The following RAD54L2 variants were observed in gnomAD, a reference collection of about 807,000 sequenced individuals.
The protein encoded by RAD54L2 is RAD54 like 2, also known as helicase ARIP4.
In RAD54L2, 27 loss-of-function variants were observed where a neutral mutation model predicts 138.4. That is an observed-to-expected ratio of 0.20 (90% confidence interval 0.14 to 0.27). The LOEUF is 0.27. RAD54L2 is among the 10% of genes least tolerant of loss of function. The probability of loss-of-function intolerance (pLI) is 1.00; values close to 1 mark genes in which losing one functional copy is unlikely to be tolerated. For synonymous variants in RAD54L2, 644 were observed against 723.2 expected (o/e 0.89, Z 1.76); for missense variants, 1,396 against 1,890.2 (o/e 0.74, Z 4.85).
At chr3:51,542,851 G>A (rs1698588113) in intron 2 of RAD54L2, among the ~76,000 whole-genome samples, 1 of 152,168 alleles carries the variant, frequency 6.6e-6, no homozygotes, top group South Asian at 2.1e-4. Context: ...TTTCCTGACA[G>A]TTTGTATGGG....
intron 3 of RAD54L2, among the ~76,000 whole-genome samples, chr3:51,622,470 G>A (rs1021099772): frequency 1.3e-5 from 2 of 152,166 alleles, no homozygotes; most frequent in Middle Eastern, 3.4e-3. Flanking sequence ...AGCATTTCTT[G>A]TCTGATGCCT....
intron 19 of RAD54L2, among the ~76,000 whole-genome samples, chr3:51,647,873 G>A (rs771769274): frequency 6.6e-6 from 1 of 152,096 alleles, no homozygotes; most frequent in Non-Finnish European, 1.5e-5. Flanking sequence ...AGCTCCCACT[G>A]TGATCGACAC....
Position 51,637,082 on chromosome 3 carries a change from G to A in RAD54L2, c.1340-79G>A, listed in dbSNP as rs1233891751. ...CCTTCATTTCTTCTGTCTCCTCCAG[G>A]GTGCACCCCTACTTCTCATATTATT... On this transcript the variant is annotated intron_variant, in intron 10 of 22. Coordinates refer to ENST00000684192, the MANE Select transcript of RAD54L2 (RefSeq NM_015106.4). This position sits in a 1 kb window ranked among gnomAD's most constrained non-coding sequence, Gnocchi z 5.9. 1.6e-6 allele frequency: 2 copies of A among 1,243,448 alleles called. No individual in the cohort carries two copies. The highest frequency in any genetic ancestry group is 2.3e-6 in the Non-Finnish European group (2 of 876,322). The allele number at this position is 1,243,448 out of a possible 1,614,324, so 77.0% of individuals were successfully genotyped here.
Position 51,586,164 on chromosome 3 carries a change from T to G in RAD54L2, c.-54-4203T>G, listed in dbSNP as rs369773514. Reference sequence around the variant, plus strand: ...CCCCTTAGAGAAGAATACAGTTGACTGCTGCTGCCCACCAAGACCAGCCTT... The same window carrying G: ...CCCCTTAGAGAAGAATACAGTTGACGGCTGCTGCCCACCAAGACCAGCCTT... On this transcript the variant is annotated intron_variant, in intron 2 of 22. Transcript: ENST00000684192. Among the ~76,000 whole-genome samples the G allele has an allele frequency of 2.6e-5, 4 of 152,172 alleles. No homozygotes were observed. In the South Asian group the frequency reaches 8.3e-4, roughly 32 times the overall value.
chr3:51,578,633 A>G (rs564284133), intron 2 of RAD54L2, among the ~76,000 whole-genome samples: 3 of 152,218 alleles, frequency 2.0e-5, no homozygotes, highest in African/African-American at 7.2e-5. Flanking sequence ...TACTCTACTC[A>G]TCGTGGGAGG....
rs368260597 is a variant in RAD54L2, at chr3:51,635,668, G to A, written c.1218G>A (p.Met406Ile). The change falls in exon 10 of 23, where the codon ATG becomes ATA. Residue 406 changes from methionine (M) to isoleucine (I), a missense_variant. Coordinates refer to ENST00000684192, the MANE Select transcript of RAD54L2 (RefSeq NM_015106.4). The part of the protein sequence containing the change: ...EGGVLLMGYE[M>I]YRLLTLKKSF... ...GCGTGCTGCTGATGGGGTACGAGAT[G>A]TACAGACTCCTCACTCTGAAGAAAT... 3.1e-6 allele frequency: 5 copies of A among 1,613,806 alleles called. No individual in the cohort carries two copies. Among genetic ancestry groups the A allele is most frequent in the Non-Finnish European group, 3.4e-6 (4 of 1,179,878 alleles).
At chr3:51,548,269 A>G (rs1428911228) in intron 2 of RAD54L2, among the ~76,000 whole-genome samples, 3 of 151,702 alleles carry the variant, frequency 2.0e-5, no homozygotes, top group Non-Finnish European at 4.4e-5. Flanking sequence ...GCTCACTGCA[A>G]CCTCTGCCTC....
intron 18 of RAD54L2, 140 bp from the exon 19 acceptor site, chr3:51,646,145 G>A: frequency 1.4e-6 from 1 of 737,788 alleles, no homozygotes; most frequent in Non-Finnish European, 2.2e-6. Context: ...TTGACAGAAA[G>A]ACAGTAAACC....
At chr3:51,650,137 T>C (rs769624372) in intron 19 of RAD54L2, among the ~76,000 whole-genome samples, 12 of 152,176 alleles carry the variant, frequency 7.9e-5, no homozygotes, top group Non-Finnish European at 1.6e-4. Context: ...GTTGCAATCC[T>C]AGTCGCTATT....
chr3:51,605,982 C>T (rs181427634), intron 3 of RAD54L2, among the ~76,000 whole-genome samples: 2 of 152,120 alleles, frequency 1.3e-5, no homozygotes, highest in East Asian at 1.9e-4. Context: ...TTAAGTCATT[C>T]GTAACTGTTG....
At chr3:51,583,853 T>G (rs1699659580) in intron 2 of RAD54L2, among the ~76,000 whole-genome samples, 1 of 151,956 alleles carries the variant, frequency 6.6e-6, no homozygotes, top group African/African-American at 2.4e-5. Flanking sequence ...GGCTTTTTTT[T>G]TTTTTTTAAA....
At chr3:51,585,585 A>G (rs1468245276) in intron 2 of RAD54L2, among the ~76,000 whole-genome samples, 3 of 152,122 alleles carry the variant, frequency 2.0e-5, no homozygotes, top group African/African-American at 4.8e-5. Context: ...GTACCACTCT[A>G]TTGACAGGTG....
intron 22 of RAD54L2, among the ~76,000 whole-genome samples, chr3:51,661,399 G>A (rs1181663612): frequency 6.6e-6 from 1 of 152,254 alleles, no homozygotes; most frequent in African/African-American, 2.4e-5. Context: ...AGGATGAGCT[G>A]TAACACAATG....
At chr3:51,631,552 CA>C (rs1700843787) in intron 7 of RAD54L2, among the ~76,000 whole-genome samples, 1 of 150,584 alleles carries the variant, frequency 6.6e-6, no homozygotes, top group Non-Finnish European at 1.5e-5. Flanking sequence ...CCACGTTGCC[CA>C]AGCTGATCTT....
chr3:51,563,120 A>G (rs1699136193), intron 2 of RAD54L2, among the ~76,000 whole-genome samples: 1 of 152,048 alleles, frequency 6.6e-6, no homozygotes, highest in Non-Finnish European at 1.5e-5. Context: ...TAGTTTTTTA[A>G]TAAGTCTTTG....
intron 3 of RAD54L2, among the ~76,000 whole-genome samples, chr3:51,626,434 A>ATATTTTTTT (rs1302087610): frequency 8.1e-5 from 1 of 12,292 alleles, no homozygotes; most frequent in African/African-American, 3.3e-4. Flanking sequence ...ACCCCCAACG[A>ATATTTTTTT]TCTTTTTTTT....
intron 3 of RAD54L2, among the ~76,000 whole-genome samples, chr3:51,626,506 G>A (rs890597846): frequency 1.4e-5 from 2 of 139,292 alleles, no homozygotes; most frequent in Non-Finnish European, 3.0e-5. Context: ...GTGCAATGGT[G>A]TGATCTTGGC....
intron 2 of RAD54L2, among the ~76,000 whole-genome samples, chr3:51,542,110 T>C (rs1189833881): frequency 6.6e-6 from 1 of 152,222 alleles, no homozygotes; most frequent in African/African-American, 2.4e-5. Flanking sequence ...CTTCCCACTT[T>C]TTCTTGCTCA....
intron 2 of RAD54L2, among the ~76,000 whole-genome samples, chr3:51,572,580 T>C (rs1421695755): frequency 6.6e-6 from 1 of 150,836 alleles, no homozygotes; most frequent in East Asian, 2.0e-4. Context: ...ATTGTGCCAC[T>C]GCACTCCAGC....
Sources: allele counts gnomAD v4.1 joint callset (sites outside exome capture counted in the v4.1 genomes callset), GRCh38; gene constraint gnomAD v4.1.1; non-coding constraint Gnocchi (gnomAD v3.1); transcripts MANE v1.5; gene names NCBI Gene and HGNC (gene_info 2026-07-23, HGNC 2026-07-21).